The following DUSP3 variants were observed in gnomAD, a reference collection of about 807,000 sequenced individuals.
The protein encoded by DUSP3 is dual specificity protein phosphatase 3.
Under a neutral mutation model 15.5 loss-of-function variants are expected in DUSP3, and 7 were observed. That is an observed-to-expected ratio of 0.45 (90% CI 0.26 to 0.85). The LOEUF is 0.85. Among genes scored for constraint, DUSP3 ranks in the 40% least tolerant of loss-of-function variants. DUSP3 has a pLI of 0.18. For missense variants in DUSP3, 209 were observed against 251.7 expected (o/e 0.83, Z 1.15); for synonymous variants, 86 against 104.2 (o/e 0.83, Z 1.07).
rs1184114712 is a variant in DUSP3, at chr17:43,767,284, C to G, written c.*2325G>C. 1.3e-5 allele frequency: 2 copies of G among 152,682 alleles called. No individual in the cohort carries two copies. Among genetic ancestry groups the G allele is most frequent in the African/African-American group, 4.8e-5 (2 of 41,456 alleles). The allele number at this position is 152,682 out of a possible 1,614,324, so 9.5% of individuals were successfully genotyped here. A position where few individuals can be genotyped will look rare whatever the true frequency, so the allele number is the denominator to read the frequency against. On this transcript the variant is annotated 3_prime_UTR_variant, in exon 3 of 3. Transcript: ENST00000226004. Reference sequence around the variant, plus strand: ...GGAGGGGAGCCCCAGCCCCAGCTCCCTAGCCTTTTCCAGGAGCAGAGCAGA... The same window carrying G: ...GGAGGGGAGCCCCAGCCCCAGCTCCGTAGCCTTTTCCAGGAGCAGAGCAGA...
rs146537608 is a variant in DUSP3 at position 43,773,001 on chromosome 17, C to A, written c.352+1711G>T. ...TGCTATTATACGAGAACAACAAAAT[C>A]CTTCCCCTTCGCCCAGCCTATGTTT... On this transcript the variant is annotated intron_variant, in intron 2 of 2. Transcript: ENST00000226004. Among the ~76,000 whole-genome samples the A allele has an allele frequency of 9.3e-4, 142 of 152,320 alleles. 1 individual carries two copies. The highest frequency in any genetic ancestry group is 1.8e-3 in the Non-Finnish European group (124 of 68,034).
Position 43,767,493 on chromosome 17 carries a change from A to G in DUSP3, c.*2116T>C, listed in dbSNP as rs1256283461. On this transcript the variant is annotated 3_prime_UTR_variant, in exon 3 of 3. Transcript: ENST00000226004. ...CGTATGAAAGAATCCAGCTTCAGGG[A>G]GCAGCAAACCCAAAATCTTGCCCAG... 6.6e-6 allele frequency: 1 copy of G among 152,606 alleles called. No homozygotes were observed. The highest frequency in any genetic ancestry group is 1.5e-5 in the Non-Finnish European group (1 of 68,052). 9.5% of individuals were successfully genotyped at this position (152,606 alleles called of 1,614,324 possible).
chr17:43,769,686 C>T lies in DUSP3; in HGVS notation c.481G>A (p.Gly161Ser), dbSNP rs777443380. 88 of 1,613,592 alleles carry T rather than the reference C, an allele frequency of 5.5e-5. No homozygotes were observed. Among genetic ancestry groups the T allele is most frequent in the Non-Finnish European group, 7.3e-5 (86 of 1,179,938 alleles). The change falls in exon 3 of 3, where the codon GGC becomes AGC. Residue 161 changes from glycine (G) to serine (S), a missense_variant. Coordinates refer to ENST00000226004, the MANE Select transcript of DUSP3 (RefSeq NM_004090.4). ...LSIVRQNREI[G>S]PNDGFLAQLC... Reference sequence around the variant, plus strand: ...TGGGCCAGGAAGCCATCGTTGGGGCCGATCTCACGGTTCTGCCTCACGATG... The same window carrying T: ...TGGGCCAGGAAGCCATCGTTGGGGCTGATCTCACGGTTCTGCCTCACGATG...
chr17:43,775,143 G>A (rs535990598), intron 1 of DUSP3, among the ~76,000 whole-genome samples: 1 of 152,246 alleles, frequency 6.6e-6, no homozygotes, highest in African/African-American at 2.4e-5. Context: ...ATAGACTGGT[G>A]GTTTCATAGC....
chr17:43,772,265 G>T (rs376512280), intron 2 of DUSP3, among the ~76,000 whole-genome samples: 32 of 152,144 alleles, frequency 2.1e-4, no homozygotes, highest in African/African-American at 7.2e-4. Context: ...CAGGAAGCAG[G>T]AGTCCTCCAC....
chr17:43,768,848 G>A lies in DUSP3; in HGVS notation c.*761C>T, dbSNP rs939646581. The stretch of plus-strand genomic sequence containing the variant: ...CCAAGGCATCACTCTTCTCAAAAAC[G>A]AAGTGACTGAGATAAGATCGAAGGG... On this transcript the variant is annotated 3_prime_UTR_variant, in exon 3 of 3. Transcript: ENST00000226004. The A allele has an allele frequency of 2.0e-5, 3 of 150,968 alleles. No individual in the cohort carries two copies. Among genetic ancestry groups the A allele is most frequent in the East Asian group, 1.9e-4 (1 of 5,166 alleles). 9.4% of individuals were successfully genotyped at this position (150,968 alleles called of 1,614,324 possible). A position where few individuals can be genotyped will look rare whatever the true frequency, so the allele number is the denominator to read the frequency against.
rs543888686 is a variant in DUSP3 at position 43,778,145 on chromosome 17, G to A, written c.125+655C>T. The A allele has an allele frequency of 1.4e-3, 213 of 153,828 alleles. 2 individuals carry two copies. The highest frequency in any genetic ancestry group is 2.1e-3 in the Admixed American group (32 of 15,344). The allele number at this position is 153,828 out of a possible 1,614,324, so 9.5% of individuals were successfully genotyped here. ...ACTCCAGCCTGGGTGACAGAGCCTG[G>A]GGGTGAAAGGTCAAGAGCCTTTTCT... On this transcript the variant is annotated intron_variant, in intron 1 of 2. Transcript: ENST00000226004.
rs549581588 is a variant in DUSP3 at position 43,769,296 on chromosome 17, A to G, written c.*313T>C. Reference sequence around the variant, plus strand: ...CATCTTAGGCCTTACACTTCCACACACCTCCTGCCGTGGGCCATCGGGAAG... The same window carrying G: ...CATCTTAGGCCTTACACTTCCACACGCCTCCTGCCGTGGGCCATCGGGAAG... On this transcript the variant is annotated 3_prime_UTR_variant, in exon 3 of 3. Coordinates refer to ENST00000226004, the MANE Select transcript of DUSP3 (RefSeq NM_004090.4). The G allele has an allele frequency of 2.9e-6, 1 of 350,392 alleles. No homozygotes were observed. Among genetic ancestry groups the G allele is most frequent in the Non-Finnish European group, 5.3e-6 (1 of 190,408 alleles). The allele number at this position is 350,392 out of a possible 1,614,324, so 21.7% of individuals were successfully genotyped here. A position where few individuals can be genotyped will look rare whatever the true frequency, so the allele number is the denominator to read the frequency against.
Position 43,767,889 on chromosome 17 carries a change from G to A in DUSP3, c.*1720C>T, listed in dbSNP as rs557803550. 4.6e-5 allele frequency: 7 copies of A among 152,286 alleles called. No individual in the cohort carries two copies. In the East Asian group the frequency reaches 9.7e-4, roughly 21 times the overall value. 9.4% of individuals were successfully genotyped at this position (152,286 alleles called of 1,614,324 possible). A position where few individuals can be genotyped will look rare whatever the true frequency, so the allele number is the denominator to read the frequency against. On this transcript the variant is annotated 3_prime_UTR_variant, in exon 3 of 3. Coordinates refer to ENST00000226004, the MANE Select transcript of DUSP3 (RefSeq NM_004090.4). The stretch of plus-strand genomic sequence containing the variant: ...TTCCCAGCCGGGAGTGAGGCCTTAC[G>A]CCACACCTGCCTCTCCGTGTCCCAG...
Position 43,774,885 on chromosome 17 carries a change from A to G in DUSP3, c.179T>C (p.Leu60Pro). Residue 60 changes from leucine (L) to proline (P), a missense_variant, in exon 2 of 3, where the codon CTG becomes CCG. By Grantham distance (98) the Leu-to-Pro change is moderately conservative. Coordinates refer to ENST00000226004, the MANE Select transcript of DUSP3 (RefSeq NM_004090.4). ...GAAGGACCTGCCCTCAGCCGCGTTC[A>G]GCACATGGGTGATGCCTAGTTTCTG... Reference protein sequence around the residue: ...KLQKLGITHVLNAAEGRSFMH... With the variant: ...KLQKLGITHVPNAAEGRSFMH... The G allele has an allele frequency of 6.2e-7, 1 of 1,614,246 alleles. No individual in the cohort carries two copies. The highest frequency in any genetic ancestry group is 8.5e-7 in the Non-Finnish European group (1 of 1,180,050).
At chr17:43,773,307 G>A (rs1357145611) in intron 2 of DUSP3, among the ~76,000 whole-genome samples, 1 of 152,202 alleles carries the variant, frequency 6.6e-6, no homozygotes, top group African/African-American at 2.4e-5. Context: ...GGGAGGGTTT[G>A]GGGTGGGGAG....
chr17:43,775,151 A>C lies in DUSP3; in HGVS notation c.126-213T>G, dbSNP rs557165615. Among the ~76,000 whole-genome samples, 158 of 152,288 alleles carry C rather than the reference A, an allele frequency of 1.0e-3. 1 individual carries two copies. The highest frequency in any genetic ancestry group is 3.6e-3 in the African/African-American group (151 of 41,556). On this transcript the variant is annotated intron_variant, in intron 1 of 2. Transcript: ENST00000226004. Reference sequence around the variant, plus strand: ...TCCCCAAATAGACTGGTGGTTTCATAGCCATGCTGTCCCCTCTGTCTGGAA... The same window carrying C: ...TCCCCAAATAGACTGGTGGTTTCATCGCCATGCTGTCCCCTCTGTCTGGAA...
Position 43,774,843 on chromosome 17 carries a change from T to C in DUSP3, c.221A>G (p.Asn74Ser), listed in dbSNP as rs144239960. 2.4e-5 allele frequency: 39 copies of C among 1,614,142 alleles called. No individual in the cohort carries two copies. The African/African-American group carries it at 3.3e-4, about 14-fold the overall frequency. Reference protein sequence around the residue: ...EGRSFMHVNTNANFYKDSGIT... With the variant: ...EGRSFMHVNTSANFYKDSGIT... ...GCCGGAGTCCTTGTAGAAGTTGGCA[T>C]TGGTGTTGACGTGCATGAAGGACCT... The change falls in exon 2 of 3, where the codon AAT becomes AGT. Residue 74 changes from asparagine (N) to serine (S), a missense_variant. Asn to Ser is a conservative substitution (Grantham distance 46). Transcript: ENST00000226004.
At chr17:43,770,990 A>ATGTGTGTG (rs71160061) in intron 2 of DUSP3, among the ~76,000 whole-genome samples, 14 of 146,762 alleles carry the variant, frequency 9.5e-5, no homozygotes, top group Middle Eastern at 6.8e-3. Flanking sequence ...GTGTATATAT[A>ATGTGTGTG]TGTGTGTGTG....
intron 2 of DUSP3, among the ~76,000 whole-genome samples, chr17:43,772,885 T>G (rs1020514340): frequency 1.3e-5 from 2 of 152,068 alleles, no homozygotes; most frequent in East Asian, 3.9e-4. Flanking sequence ...ACACCTGGAC[T>G]GAGACAGGTC....
rs1974275213 is a variant in DUSP3 at position 43,768,908 on chromosome 17, C to T, written c.*701G>A. Reference sequence around the variant, plus strand: ...AGAGCAGCAGATTCTGAACTCAAGGCTTCCAAAGATTCACATTTTGAAAAC... The same window carrying T: ...AGAGCAGCAGATTCTGAACTCAAGGTTTCCAAAGATTCACATTTTGAAAAC... On this transcript the variant is annotated 3_prime_UTR_variant, in exon 3 of 3. Coordinates refer to ENST00000226004, the MANE Select transcript of DUSP3 (RefSeq NM_004090.4). The T allele has an allele frequency of 6.6e-6, 1 of 152,200 alleles. No individual in the cohort carries two copies. Among genetic ancestry groups the T allele is most frequent in the African/African-American group, 2.4e-5 (1 of 41,456 alleles). The allele number at this position is 152,200 out of a possible 1,614,324, so 9.4% of individuals were successfully genotyped here.
Position 43,770,990 on chromosome 17 carries a change from A to ATG in DUSP3, c.353-1178_353-1177dup, listed in dbSNP as rs71160061. ...ATAGTGTGTGTGTGCGTGTATATAT[A>ATG]TGTGTGTGTGTGTGTGTGTGTGTGT... On this transcript the variant is annotated intron_variant, in intron 2 of 2. Coordinates refer to ENST00000226004, the MANE Select transcript of DUSP3 (RefSeq NM_004090.4). 4.3e-3 allele frequency among the ~76,000 whole-genome samples: 635 copies of ATG among 146,754 alleles called. 7 individuals are homozygous for ATG. The highest frequency in any genetic ancestry group is 0.014 in the African/African-American group (538 of 39,326).
chr17:43,774,644 G>A lies in DUSP3; in HGVS notation c.352+68C>T, dbSNP rs564754562. 3.3e-6 allele frequency: 5 copies of A among 1,534,514 alleles called. No individual in the cohort carries two copies. In the East Asian group the frequency reaches 6.8e-5, roughly 21 times the overall value. On this transcript the variant is annotated intron_variant, in intron 2 of 2. Coordinates refer to ENST00000226004, the MANE Select transcript of DUSP3 (RefSeq NM_004090.4). ...GTTTCTAAGAAGAGACCTGTTGTGG[G>A]CCTGTTTTCCAGAGGGACAGTCCAG...
chr17:43,777,875 C>T (rs1476284303), intron 1 of DUSP3: 3 of 182,924 alleles, frequency 1.6e-5, no homozygotes, highest in South Asian at 9.4e-5. Context: ...TGCGGTGGCT[C>T]ACGCCTGTAA....
Sources: gnomAD v4.1 joint callset for allele counts (sites outside exome capture counted in the v4.1 genomes callset) on GRCh38, gnomAD v4.1.1 for gene constraint, MANE v1.5 for transcripts, NCBI Gene and HGNC (gene_info 2026-07-23, HGNC 2026-07-21) for gene names.